Variants in BRDT observed in about 807,000 individuals in gnomAD.
BRDT encodes bromodomain testis-specific protein.
A neutral mutation model predicts 113.9 loss-of-function variants in BRDT; 77 were observed. That is an observed-to-expected ratio of 0.68 (90% CI 0.56 to 0.82). The LOEUF is 0.82. Among genes scored for constraint, BRDT ranks in the 40% least tolerant of loss-of-function variants. The probability of loss-of-function intolerance (pLI) is 0.00; values close to 1 mark genes in which losing one functional copy is unlikely to be tolerated. For synonymous variants in BRDT, 358 were observed against 366.5 expected (o/e 0.98, Z 0.26); for missense variants, 1,027 against 1,105.4 (o/e 0.93, Z 1.01).
chr1:91,969,823 G>GTGTTT (rs1360208667), intron 4 of BRDT, among the ~76,000 whole-genome samples: 96 of 71,734 alleles, frequency 1.3e-3, no homozygotes, highest in Non-Finnish European at 1.6e-3. Flanking sequence ...GTGTGTGTGT[G>GTGTTT]TTTTTTTTTT....
intron 1 of BRDT, among the ~76,000 whole-genome samples, chr1:91,953,730 G>C (rs1330868774): frequency 6.6e-6 from 1 of 152,048 alleles, no homozygotes; most frequent in East Asian, 1.9e-4. Context: ...CAAGAGACGT[G>C]GTTTTCAGGC....
At chr1:91,981,866 A>T in intron 12 of BRDT, 111 bp downstream of exon 12, 1 of 1,326,616 alleles carries the variant, frequency 7.5e-7, no homozygotes, top group Middle Eastern at 2.3e-4. Flanking sequence ...CATGGTTTGT[A>T]TATCATGCTA....
At chr1:91,968,109 C>T (rs749569003) in intron 3 of BRDT, 37 bp from the exon 4 acceptor site, 1 of 1,602,642 alleles carries the variant, frequency 6.2e-7, no homozygotes, top group Non-Finnish European at 8.5e-7. Flanking sequence ...AGTGACCATA[C>T]TGTATATCCT....
At chr1:91,951,802 A>C (rs974255493) in intron 1 of BRDT, among the ~76,000 whole-genome samples, 2 of 151,970 alleles carry the variant, frequency 1.3e-5, no homozygotes, top group Non-Finnish European at 2.9e-5. Context: ...CAGGCCTGTA[A>C]TCCCAGCACT....
intron 13 of BRDT, among the ~76,000 whole-genome samples, chr1:91,991,864 C>A (rs1046631454): frequency 3.3e-5 from 5 of 150,694 alleles, no homozygotes; most frequent in Non-Finnish European, 4.4e-5. Flanking sequence ...TGGCGCCATG[C>A]GCCTGTAATC....
At chr1:92,008,267 C>T (rs1687507124) in intron 18 of BRDT, among the ~76,000 whole-genome samples, 2 of 152,174 alleles carry the variant, frequency 1.3e-5, no homozygotes, top group African/African-American at 4.8e-5. Context: ...TTTCCTTTTG[C>T]ATAAAGGACT....
At chr1:91,958,858 C>G (rs1473377278) in intron 1 of BRDT, among the ~76,000 whole-genome samples, 1 of 151,992 alleles carries the variant, frequency 6.6e-6, no homozygotes, top group Non-Finnish European at 1.5e-5. Flanking sequence ...AGTTCGAGAC[C>G]AGCCTGGGTG....
intron 16 of BRDT, among the ~76,000 whole-genome samples, chr1:92,002,515 C>T (rs1042995248): frequency 5.9e-5 from 9 of 152,112 alleles, no homozygotes; most frequent in African/African-American, 2.2e-4. Context: ...AGGTGTGTAC[C>T]ACCATGCCCA....
intron 17 of BRDT, 60 bp downstream of exon 17, chr1:92,004,679 T>A: frequency 1.4e-6 from 2 of 1,387,636 alleles, no homozygotes; most frequent in Non-Finnish European, 9.7e-7. Context: ...TTTAAATACA[T>A]TAAATTTCTT....
At chr1:91,969,121 T>TA (rs917235381) in intron 4 of BRDT, among the ~76,000 whole-genome samples, 2 of 151,866 alleles carry the variant, frequency 1.3e-5, no homozygotes, top group Non-Finnish European at 1.5e-5. Flanking sequence ...TATTTTTTTT[T>TA]AGTAGAGTCG....
intron 16 of BRDT, among the ~76,000 whole-genome samples, chr1:92,003,649 T>G (rs1687040858): frequency 6.6e-6 from 1 of 152,206 alleles, no homozygotes; most frequent in Admixed American, 6.5e-5. Context: ...ACTGTGAATT[T>G]TATGAAATCT....
rs386367654 is a variant in BRDT, at chr1:91,952,796, A to AAAAG, written c.-38+3116_-38+3117insAGAA. On this transcript the variant is annotated intron_variant, in intron 1 of 18. Coordinates refer to ENST00000399546, the MANE Select transcript of BRDT (RefSeq NM_207189.4). ...CATCTCCAAAAAAAAAAAAAAAAAA[A>AAAAG]AAGAGGGACCAAGGGCCTTCCAGGG... Among the ~76,000 whole-genome samples the AAAAG allele has an allele frequency of 2.0e-5, 3 of 151,150 alleles. No homozygotes were observed. The East Asian group carries it at 5.8e-4, about 29-fold the overall frequency.
At chr1:92,013,591 T>G (rs1476915314) in intron 18 of BRDT, among the ~76,000 whole-genome samples, 1 of 152,246 alleles carries the variant, frequency 6.6e-6, no homozygotes, top group East Asian at 1.9e-4. Flanking sequence ...GACATTTGTT[T>G]CCTTTGTCTT....
chr1:91,979,026 C>A (rs111250971), intron 7 of BRDT, among the ~76,000 whole-genome samples: 23,980 of 137,418 alleles, frequency 0.17, 2,612 homozygotes, highest in Middle Eastern at 0.26. Context: ...ACAACAACAA[C>A]AAAAAAAACC....
chr1:91,964,734 A>G lies in BRDT; in HGVS notation c.300A>G (p.Thr100=). 1 of 1,476,062 alleles carries G rather than the reference A, an allele frequency of 6.8e-7. No homozygotes were observed. The highest frequency in any genetic ancestry group is 9.2e-7 in the Non-Finnish European group (1 of 1,091,600). 91.4% of individuals were successfully genotyped at this position (1,476,062 alleles called of 1,614,324 possible). A position where few individuals can be genotyped will look rare whatever the true frequency, so the allele number is the denominator to read the frequency against. Residue 100 remains threonine (T), a synonymous_variant, in exon 3 of 19, where the codon ACA becomes ACG. Transcript: ENST00000399546. ...KASECIEDFN[T]MFSNCYLYNK... is the part of the protein sequence containing the mutation. ...CAGAATGTATAGAAGACTTCAATAC[A>G]ATGTTCTCAAATTGTTATTTATATA...
intron 2 of BRDT, among the ~76,000 whole-genome samples, chr1:91,964,092 GC>G (rs1268607109): frequency 6.6e-6 from 1 of 151,838 alleles, no homozygotes; most frequent in Non-Finnish European, 1.5e-5. Context: ...ACAGAGTCTC[GC>G]TCTGTCCCCC....
intron 3 of BRDT, among the ~76,000 whole-genome samples, chr1:91,966,929 C>T (rs752571822): frequency 9.9e-5 from 15 of 152,006 alleles, no homozygotes; most frequent in South Asian, 2.1e-4. Flanking sequence ...AGTAGCCAGA[C>T]GCGGTGGCAG....
Position 91,979,207 on chromosome 1 carries a change from G to T in BRDT, c.1099-362G>T, listed in dbSNP as rs540828797. Among the ~76,000 whole-genome samples the T allele has an allele frequency of 4.0e-5, 6 of 148,644 alleles. No homozygotes were observed. In the South Asian group the frequency reaches 1.4e-3, roughly 34 times the overall value. On this transcript the variant is annotated intron_variant, in intron 7 of 18. Transcript: ENST00000399546. ...TGGCTCACTGCAACCTCCGCCTCCC[G>T]GGTTCAAGCGATTCTCCTGCCTCAG...
chr1:91,955,783 C>G (rs1681699946), intron 1 of BRDT, among the ~76,000 whole-genome samples: 1 of 148,856 alleles, frequency 6.7e-6, no homozygotes, highest in Non-Finnish European at 1.5e-5. Flanking sequence ...ACCAGGGCCT[C>G]CAGCCAAGAA....
Sources: allele counts gnomAD v4.1 joint callset (sites outside exome capture counted in the v4.1 genomes callset), GRCh38; gene constraint gnomAD v4.1.1; transcripts MANE v1.5; gene names NCBI Gene and HGNC (gene_info 2026-07-23, HGNC 2026-07-21).